The following CALR variants were observed in gnomAD, a reference collection of about 807,000 sequenced individuals.
CALR encodes the protein CRP55.
In CALR, 15 loss-of-function variants were observed where a neutral mutation model predicts 51.1. The ratio of observed to expected loss-of-function variants is 0.29; its 90% confidence interval spans 0.20 to 0.45. The LOEUF (loss-of-function observed/expected upper bound fraction) is 0.45, where lower values mean the gene tolerates loss of function less well. Ranked by LOEUF, CALR falls within the 20% of genes least tolerant of loss-of-function variation. CALR has a pLI of 1.00. For synonymous variants in CALR, 239 were observed against 205.9 expected (o/e 1.16, Z -1.38); for missense variants, 477 against 530.6 (o/e 0.90, Z 0.99).
At chr19:12,940,967 G>A in intron 7 of CALR, 80 bp downstream of exon 7, 1 of 1,409,010 alleles carries the variant, frequency 7.1e-7, no homozygotes, top group East Asian at 2.3e-5. Context: ...GACAGGGTAG[G>A]CACCCCAGGT....
Position 12,943,612 on chromosome 19 carries a change from A to G in CALR, c.1036A>G (p.Thr346Ala). 2.5e-6 allele frequency: 4 copies of G among 1,614,132 alleles called. No individual in the cohort carries two copies. Among genetic ancestry groups the G allele is most frequent in the Non-Finnish European group, 3.4e-6 (4 of 1,180,018 alleles). Residue 346 changes from threonine (T) to alanine (A), a missense_variant, in exon 8 of 9, where the codon ACG (threonine) becomes GCG (alanine). Thr to Ala is a moderately conservative substitution (Grantham distance 58). Transcript: ENST00000316448. ...EAYAEEFGNETWGVTKAAEKQ... is the reference protein window; with the variant it reads ...EAYAEEFGNEAWGVTKAAEKQ... Reference sequence around the variant, plus strand: ...ATACGCTGAGGAGTTTGGCAACGAGACGTGGGGCGTAACAAAGGTGAGGCC... The same window carrying G: ...ATACGCTGAGGAGTTTGGCAACGAGGCGTGGGGCGTAACAAAGGTGAGGCC...
In CALR at chr19:12,940,890, G is replaced by A; in HGVS notation, c.960+3G>A. 6.2e-7 allele frequency: 1 copy of A among 1,614,082 alleles called. No homozygotes were observed. Among genetic ancestry groups the A allele is most frequent in the Non-Finnish European group, 8.5e-7 (1 of 1,179,952 alleles). Reference sequence around the variant, plus strand: ...TGCTGGGCCTGGACCTCTGGCAGGTGAGACTTGGAGGAAAAAGGAGGATCC... The same window carrying A: ...TGCTGGGCCTGGACCTCTGGCAGGTAAGACTTGGAGGAAAAAGGAGGATCC... On this transcript the variant is annotated splice_donor_region_variant and intron_variant, in intron 7 of 8. Coordinates refer to ENST00000316448, the MANE Select transcript of CALR (RefSeq NM_004343.4).
chr19:12,939,275 TC>T lies in CALR; in HGVS notation c.193+42del, dbSNP rs766867388. The stretch of plus-strand genomic sequence containing the variant: ...GTGGGTGCTCAGATCCGGGAGGACT[TC>T]CTGGCAGAAGTCCTTGTCTGTACAC... On this transcript the variant is annotated intron_variant, in intron 2 of 8. Coordinates refer to ENST00000316448, the MANE Select transcript of CALR (RefSeq NM_004343.4). The T allele has an allele frequency of 1.3e-4, 201 of 1,492,570 alleles. 2 individuals are homozygous for T. In the Middle Eastern group the frequency reaches 2.1e-3, roughly 15 times the overall value. 92.5% of individuals were successfully genotyped at this position (1,492,570 alleles called of 1,614,324 possible).
intron 4 of CALR, 36 bp from the exon 5 acceptor site, chr19:12,940,207 G>A (rs775467641): frequency 6.2e-7 from 1 of 1,606,632 alleles, no homozygotes. Flanking sequence ...CAGCCTCATT[G>A]GGGGGTGGCC....
At position 12,939,254 on chromosome 19, in the gene CALR, G is replaced by T. The variant is rs373524571; in HGVS notation, c.193+19G>T. 2 of 1,559,984 alleles carry T rather than the reference G, an allele frequency of 1.3e-6. No individual in the cohort carries two copies. The highest frequency in any genetic ancestry group is 1.8e-6 in the Non-Finnish European group (2 of 1,136,010). ...GATAAAGGTAAGAGCCTAGGAGTGG[G>T]TGCTCAGATCCGGGAGGACTTCCTG... On this transcript the variant is annotated intron_variant, in intron 2 of 8. Coordinates refer to ENST00000316448, the MANE Select transcript of CALR (RefSeq NM_004343.4).
chr19:12,943,187 T>G, intron 7 of CALR: 1 of 319,796 alleles, frequency 3.1e-6, no homozygotes, highest in Non-Finnish European at 6.0e-6. Flanking sequence ...TGGGTTCACA[T>G]CATTCTCCTG....
chr19:12,939,990 G>C, intron 3 of CALR, 63 bp from the exon 4 acceptor site: 1 of 1,150,794 alleles, frequency 8.7e-7, no homozygotes, highest in Non-Finnish European at 1.3e-6. Context: ...TTTATAAAGA[G>C]GGGTGAGAGC....
At position 12,943,319 on chromosome 19, in the gene CALR, C is replaced by T. The variant is rs541670995; in HGVS notation, c.961-218C>T. On this transcript the variant is annotated intron_variant, in intron 7 of 8. Coordinates refer to ENST00000316448, the MANE Select transcript of CALR (RefSeq NM_004343.4). ...CAGGGTGGTCTCGATCTCCTGACCT[C>T]GTGATCCGCCCACCTTGGCCTCTGG... 3.6e-5 allele frequency: 21 copies of T among 582,086 alleles called. 2 individuals carry two copies. In the Middle Eastern group the frequency reaches 2.4e-3, roughly 65 times the overall value. The allele number at this position is 582,086 out of a possible 1,614,324, so 36.1% of individuals were successfully genotyped here. A position where few individuals can be genotyped will look rare whatever the true frequency, so the allele number is the denominator to read the frequency against.
In CALR at chr19:12,938,703, G is replaced by T; in HGVS notation, c.24G>T (p.Leu8=). ...CCATGCTGCTATCCGTGCCGCTGCT[G>T]CTCGGCCTCCTCGGCCTGGCCGTCG... The part of the protein sequence containing the change: MLLSVPL[L]LGLLGLAVAE... Residue 8 remains leucine, a synonymous_variant, in exon 1 of 9, where the codon CTG becomes CTT. Coordinates refer to ENST00000316448, the MANE Select transcript of CALR (RefSeq NM_004343.4). 1 of 1,611,320 alleles carries T rather than the reference G, an allele frequency of 6.2e-7. No individual in the cohort carries two copies. Among genetic ancestry groups the T allele is most frequent in the Non-Finnish European group, 8.5e-7 (1 of 1,179,322 alleles).
intron 7 of CALR, among the ~76,000 whole-genome samples, chr19:12,941,192 C>A (rs1445118122): frequency 6.6e-6 from 1 of 152,158 alleles, no homozygotes; most frequent in Non-Finnish European, 1.5e-5. Flanking sequence ...CTCACCCTTA[C>A]AATCACGGTA....
Position 12,944,066 on chromosome 19 carries a change from C to A in CALR, c.*153C>A. The A allele has an allele frequency of 9.9e-6, 12 of 1,214,286 alleles. No homozygotes were observed. Among genetic ancestry groups the A allele is most frequent in the Non-Finnish European group, 1.4e-5 (12 of 854,452 alleles). The allele number at this position is 1,214,286 out of a possible 1,614,324, so 75.2% of individuals were successfully genotyped here. A position where few individuals can be genotyped will look rare whatever the true frequency, so the allele number is the denominator to read the frequency against. ...ATTTTGGTTTTGTTCCCCTCCTCCACTCTCCCCCACCCCCTCCCCGCCCTT... is the reference window on the plus strand; with the variant it reads ...ATTTTGGTTTTGTTCCCCTCCTCCAATCTCCCCCACCCCCTCCCCGCCCTT... On this transcript the variant is annotated 3_prime_UTR_variant, in exon 9 of 9. Coordinates refer to ENST00000316448, the MANE Select transcript of CALR (RefSeq NM_004343.4).
intron 7 of CALR, among the ~76,000 whole-genome samples, chr19:12,941,675 T>C (rs1449699661): frequency 1.3e-5 from 2 of 151,522 alleles, no homozygotes; most frequent in Non-Finnish European, 2.9e-5. Context: ...AGTACAGACA[T>C]GGTTTCACCG....
chr19:12,939,541 A>T lies in CALR; in HGVS notation c.307A>T (p.Ile103Phe), dbSNP rs771554069. The change falls in exon 3 of 9, where the codon ATC (isoleucine) becomes TTC (phenylalanine). Residue 103 changes from isoleucine (I) to phenylalanine (F), a missense_variant. Coordinates refer to ENST00000316448, the MANE Select transcript of CALR (RefSeq NM_004343.4). ...GTTCACGGTGAAACATGAGCAGAAC[A>T]TCGACTGTGGGGGCGGCTATGTGAA... is the stretch of plus-strand genomic sequence containing the variant. Reference protein sequence around the residue: ...VQFTVKHEQNIDCGGGYVKLF... With the variant: ...VQFTVKHEQNFDCGGGYVKLF... The T allele has an allele frequency of 9.3e-6, 15 of 1,613,942 alleles. No individual in the cohort carries two copies. Among genetic ancestry groups the T allele is most frequent in the Non-Finnish European group, 1.3e-5 (15 of 1,179,990 alleles).
chr19:12,940,988 C>A, intron 7 of CALR, 101 bp downstream of exon 7: 1 of 1,114,708 alleles, frequency 9.0e-7, no homozygotes. Flanking sequence ...GAGTCTGACT[C>A]AAAAATGGTA....
At chr19:12,943,039 AGC>A (rs1445061647) in intron 7 of CALR, among the ~76,000 whole-genome samples, 5 of 141,340 alleles carry the variant, frequency 3.5e-5, no homozygotes, top group Non-Finnish European at 7.6e-5. Context: ...TACAGGCATG[AGC>A]CCGTCCCGTC....
chr19:12,943,506 C>T, intron 7 of CALR, 31 bp from the exon 8 acceptor site: 4 of 1,600,758 alleles, frequency 2.5e-6, no homozygotes, highest in Admixed American at 1.7e-5. Context: ...TCGGGTATCA[C>T]CTCTGACCAT....
In CALR at chr19:12,939,143, C is replaced by T. The variant is rs764831280; in HGVS notation, c.101C>T (p.Thr34Ile). 1.2e-6 allele frequency: 2 copies of T among 1,605,316 alleles called. No homozygotes were observed. The highest frequency in any genetic ancestry group is 1.7e-5 in the Admixed American group (1 of 58,640). The change falls in exon 2 of 9, where the codon ACT (threonine) becomes ATT (isoleucine). Residue 34 changes from threonine to isoleucine, a missense_variant. By Grantham distance (89) the Thr-to-Ile change is moderately conservative. Coordinates refer to ENST00000316448, the MANE Select transcript of CALR (RefSeq NM_004343.4). ...KEQFLDGDGW[T>I]SRWIESKHKS... ...CTAATCCCCCACTTAGACGGGTGGA[C>T]TTCCCGCTGGATCGAATCCAAACAC...
rs1219512924 is a variant in CALR at position 12,940,736 on chromosome 19, T to G, written c.817-8T>G. 2 of 1,614,152 alleles carry G rather than the reference T, an allele frequency of 1.2e-6. No homozygotes were observed. ...ACTCACCCTTCGGTTTCCTTCTCCC[T>G]TCTGCAGGGTGAGTGGAAGCCCCGG... On this transcript the variant is annotated splice_polypyrimidine_tract_variant and splice_region_variant and intron_variant, in intron 6 of 8. Coordinates refer to ENST00000316448, the MANE Select transcript of CALR (RefSeq NM_004343.4).
rs1255503924 is a variant in CALR at position 12,940,048 on chromosome 19, C to T, written c.398-5C>T. The T allele has an allele frequency of 1.9e-6, 3 of 1,607,676 alleles. No individual in the cohort carries two copies. The highest frequency in any genetic ancestry group is 2.2e-5 in the East Asian group (1 of 44,836). Reference sequence around the variant, plus strand: ...GACTCTTAACTGGATCTGCTTCACACCTAGGTCCCGACATCTGTGGCCCTG... The same window carrying T: ...GACTCTTAACTGGATCTGCTTCACATCTAGGTCCCGACATCTGTGGCCCTG... On this transcript the variant is annotated splice_polypyrimidine_tract_variant and splice_region_variant and intron_variant, in intron 3 of 8. Transcript: ENST00000316448.
Sources: gnomAD v4.1 joint callset for allele counts (sites outside exome capture counted in the v4.1 genomes callset) on GRCh38, gnomAD v4.1.1 for gene constraint, MANE v1.5 for transcripts, NCBI Gene and HGNC (gene_info 2026-07-23, HGNC 2026-07-21) for gene names.